The following PANK1 variants were observed in gnomAD, a reference collection of about 807,000 sequenced individuals.
PANK1 encodes pantothenate kinase 1.
Under a neutral mutation model 40.1 loss-of-function variants are expected in PANK1, and 18 were observed. The ratio of observed to expected loss-of-function variants is 0.45; its 90% confidence interval spans 0.31 to 0.67. PANK1 has a LOEUF of 0.67. PANK1 is among the 30% of genes least tolerant of loss of function. The probability of loss-of-function intolerance (pLI) is 0.06; values close to 1 mark genes in which losing one functional copy is unlikely to be tolerated. For synonymous variants in PANK1, 242 were observed against 237.7 expected (o/e 1.02, Z -0.17); for missense variants, 457 against 599.6 (o/e 0.76, Z 2.48).
intron 1 of PANK1, among the ~76,000 whole-genome samples, chr10:89,629,813 G>C (rs764813960): frequency 9.2e-5 from 14 of 152,166 alleles, no homozygotes; most frequent in Non-Finnish European, 2.1e-4. Flanking sequence ...CTGTTCTTTT[G>C]AACAGCTTCC....
intron 1 of PANK1, among the ~76,000 whole-genome samples, chr10:89,627,586 A>T (rs1725944673): frequency 6.6e-6 from 1 of 152,226 alleles, no homozygotes; most frequent in South Asian, 2.1e-4. Context: ...GGATGCGGCA[A>T]TGAGCCAGCC....
At chr10:89,592,668 G>A (rs1844433984) in intron 5 of PANK1, 2 of 517,938 alleles carry the variant, frequency 3.9e-6, no homozygotes, top group Admixed American at 2.0e-5. Context: ...TTCAAAACAT[G>A]TTAATACAAC....
chr10:89,621,304 T>TC lies in PANK1; in HGVS notation c.293-9257_293-9256insG, dbSNP rs1845478195. 2.0e-5 allele frequency among the ~76,000 whole-genome samples: 3 copies of TC among 146,992 alleles called. No individual in the cohort carries two copies. In the East Asian group the frequency reaches 5.9e-4, roughly 29 times the overall value. Reference sequence around the variant, plus strand: ...CAATAAGAGCACAAACTCTGTCTCATAAAAAAAAAAAAAATCCTTGTTAAA... The same window carrying TC: ...CAATAAGAGCACAAACTCTGTCTCATCAAAAAAAAAAAAAATCCTTGTTAAA... On this transcript the variant is annotated intron_variant, in intron 1 of 6. Coordinates refer to ENST00000307534, the MANE Select transcript of PANK1 (RefSeq NM_148977.3).
chr10:89,635,786 A>G (rs1589818722), intron 1 of PANK1, among the ~76,000 whole-genome samples: 1 of 152,204 alleles, frequency 6.6e-6, no homozygotes, highest in Middle Eastern at 3.2e-3. Context: ...TACTTCCAAA[A>G]TACAATGGTG....
intron 3 of PANK1, 73 bp downstream of exon 3, chr10:89,599,179 T>C (rs1278101839): frequency 1.2e-5 from 16 of 1,382,606 alleles, no homozygotes; most frequent in Non-Finnish European, 1.5e-5. Context: ...GTATTCAATA[T>C]AAATAACCTT....
intron 4 of PANK1, among the ~76,000 whole-genome samples, chr10:89,593,570 A>T (rs1844473578): frequency 6.6e-6 from 1 of 152,166 alleles, no homozygotes; most frequent in South Asian, 2.1e-4. Context: ...ACAAGAATGG[A>T]ACAGGTGAAA....
Position 89,599,775 on chromosome 10 carries a change from G to T in PANK1, c.646-270C>A, listed in dbSNP as rs562385478. 2.0e-4 allele frequency among the ~76,000 whole-genome samples: 30 copies of T among 152,294 alleles called. No homozygotes were observed. The South Asian group carries it at 6.2e-3, about 32-fold the overall frequency. On this transcript the variant is annotated intron_variant, in intron 2 of 6. Coordinates refer to ENST00000307534, the MANE Select transcript of PANK1 (RefSeq NM_148977.3). Reference sequence around the variant, plus strand: ...ATCAGCGTGTGTTGTGGGTTGAATGGTGGTCCCTGAAAGATGGCACTATGT... The same window carrying T: ...ATCAGCGTGTGTTGTGGGTTGAATGTTGGTCCCTGAAAGATGGCACTATGT...
In PANK1 at chr10:89,599,354, C is replaced by T. The variant is rs1387630011; in HGVS notation, c.797G>A (p.Cys266Tyr). Reference protein sequence around the residue: ...NPELCQKKPYCLDNPYPMLLV... With the variant: ...NPELCQKKPYYLDNPYPMLLV... ...CAACATAGGGTATGGGTTATCAAGG[C>T]AGTACGGCTTTTTTTGACACAATTC... Residue 266 changes from cysteine (C) to tyrosine (Y), a missense_variant, in exon 3 of 7, where the codon TGC becomes TAC. Cys to Tyr is a radical substitution (Grantham distance 194, BLOSUM62 -2). Coordinates refer to ENST00000307534, the MANE Select transcript of PANK1 (RefSeq NM_148977.3). 1 of 1,613,910 alleles carries T rather than the reference C, an allele frequency of 6.2e-7. No homozygotes were observed.
intron 1 of PANK1, among the ~76,000 whole-genome samples, chr10:89,633,839 T>C (rs1841721196): frequency 6.6e-6 from 1 of 152,174 alleles, no homozygotes; most frequent in Non-Finnish European, 1.5e-5. Context: ...GGTCAATACT[T>C]ACTTGATCTC....
At chr10:89,614,522 G>C (rs1332011164) in intron 1 of PANK1, among the ~76,000 whole-genome samples, 1 of 152,188 alleles carries the variant, frequency 6.6e-6, no homozygotes. Context: ...GTGAGGCCAG[G>C]TGTGGTGGCT....
intron 1 of PANK1, among the ~76,000 whole-genome samples, chr10:89,623,172 T>C (rs1351695238): frequency 6.6e-6 from 1 of 152,182 alleles, no homozygotes; most frequent in Admixed American, 6.5e-5. Flanking sequence ...ATTGGGGTGA[T>C]GTTTTTTTCT....
At chr10:89,609,135 G>A (rs1429637272) in intron 2 of PANK1, among the ~76,000 whole-genome samples, 1 of 152,144 alleles carries the variant, frequency 6.6e-6, no homozygotes, top group Non-Finnish European at 1.5e-5. Flanking sequence ...CACGATCTCG[G>A]CTCACTGTAA....
intron 1 of PANK1, 118 bp downstream of exon 1, chr10:89,644,482 G>A (rs934906357): frequency 4.0e-5 from 35 of 872,148 alleles, no homozygotes; most frequent in Non-Finnish European, 8.5e-6. Flanking sequence ...GCAGTCCCTC[G>A]ACCGCAGACG....
rs1564620110 is a variant in PANK1, at chr10:89,595,836, ATATATATATAT to A, written c.900-1858_900-1848del. On this transcript the variant is annotated intron_variant, in intron 3 of 6. Transcript: ENST00000307534. ...CATCTTAAAAAAAAAAAAAAAAAAT[ATATATATATAT>A]ATATATATATATATATATATATATA... Among the ~76,000 whole-genome samples the A allele has an allele frequency of 8.9e-3, 412 of 46,290 alleles. 21 individuals carry two copies. The highest frequency in any genetic ancestry group is 0.058 in the African/African-American group (388 of 6,704). 30.4% of individuals were successfully genotyped at this position (46,290 alleles called of 152,430 possible).
chr10:89,628,280 T>C (rs1841531713), intron 1 of PANK1, among the ~76,000 whole-genome samples: 1 of 152,224 alleles, frequency 6.6e-6, no homozygotes, highest in African/African-American at 2.4e-5. Flanking sequence ...ACGACCCAAA[T>C]GTTAATCAAC....
rs182115438 is a variant in PANK1, at chr10:89,641,086, A to G, written c.292+3514T>C. On this transcript the variant is annotated intron_variant, in intron 1 of 6. Coordinates refer to ENST00000307534, the MANE Select transcript of PANK1 (RefSeq NM_148977.3). ...TTTGACCACACTCTAGAAGGTAGCA[A>G]TACTAGAGTGTGCTCCTGCTTTCCC... Among the ~76,000 whole-genome samples the G allele has an allele frequency of 3.2e-3, 487 of 152,346 alleles. 4 individuals carry two copies. Among genetic ancestry groups the G allele is most frequent in the African/African-American group, 0.011 (453 of 41,574 alleles).
intron 1 of PANK1, among the ~76,000 whole-genome samples, chr10:89,631,454 C>T (rs1841638482): frequency 6.6e-6 from 1 of 152,156 alleles, no homozygotes; most frequent in African/African-American, 2.4e-5. Context: ...ATCCTGAATC[C>T]AGCAACTCCA....
In PANK1 at chr10:89,611,679, AG is replaced by A; in HGVS notation, c.645+16del. ...GTGAGAGGTTTTGATGTTTTAACAA[AG>A]ACAAACCCGACCTACCATTCTGAAG... On this transcript the variant is annotated intron_variant, in intron 2 of 6. Coordinates refer to ENST00000307534, the MANE Select transcript of PANK1 (RefSeq NM_148977.3). 6.4e-7 allele frequency: 1 copy of A among 1,566,508 alleles called. No individual in the cohort carries two copies.
intron 2 of PANK1, 106 bp downstream of exon 2, chr10:89,611,590 C>A: frequency 1.3e-6 from 1 of 784,040 alleles, no homozygotes; most frequent in South Asian, 1.9e-5. Flanking sequence ...GTGACATAAG[C>A]TTGTCCAGAG....
Sources: gnomAD v4.1 joint callset for allele counts (sites outside exome capture counted in the v4.1 genomes callset) on GRCh38, gnomAD v4.1.1 for gene constraint, MANE v1.5 for transcripts, NCBI Gene and HGNC (gene_info 2026-07-23, HGNC 2026-07-21) for gene names.